PPM1J: variants seen among roughly 807,000 people sequenced by gnomAD.
The protein encoded by PPM1J is protein phosphatase, Mg2+/Mn2+ dependent 1J.
PPM1J carries 43 observed loss-of-function variants against 53.3 expected under a neutral mutation model. The ratio of observed to expected loss-of-function variants is 0.81; its 90% CI spans 0.63 to 1.04. PPM1J has a LOEUF of 1.04. Ranked by LOEUF, PPM1J falls within the 50% of genes least tolerant of loss-of-function variation. The pLI, the probability that PPM1J is intolerant of heterozygous loss-of-function variation, is 0.00. For synonymous variants in PPM1J, 267 were observed against 286.4 expected (o/e 0.93, Z 0.68); for missense variants, 635 against 685.9 (o/e 0.93, Z 0.83).
rs997630239 is a variant in PPM1J at position 112,715,324 on chromosome 1, G to A, written c.-23C>T. ...CATGCTGCCTCCCTGCCCCGCCCTC[G>A]GCCGCGGCCCCGCCCCCGCCCAGGC... On this transcript the variant is annotated 5_prime_UTR_variant, in exon 1 of 10. Transcript: ENST00000309276. This position sits in a 1 kb window ranked among gnomAD's most constrained non-coding sequence, Gnocchi z 4.4. The A allele has an allele frequency of 1.6e-6, 2 of 1,228,492 alleles. No individual in the cohort carries two copies. The highest frequency in any genetic ancestry group is 2.0e-6 in the Non-Finnish European group (2 of 985,576). The allele number at this position is 1,228,492 out of a possible 1,614,324, so 76.1% of individuals were successfully genotyped here.
chr1:112,712,715 C>T (rs1362853543), intron 3 of PPM1J, 29 bp downstream of exon 3: 1 of 1,580,754 alleles, frequency 6.3e-7, no homozygotes, highest in African/African-American at 1.3e-5. Flanking sequence ...GGTTGCCTAG[C>T]AGGCTCTTGG....
Position 112,715,126 on chromosome 1 carries a change from T to C in PPM1J, c.176A>G (p.Lys59Arg). ...GAAGCTCGCTCGAGCCTCAACAGCCTTCGCGGGCGTCGCGCTCCCGCTCCC... is the reference window on the plus strand; with the variant it reads ...GAAGCTCGCTCGAGCCTCAACAGCCCTCGCGGGCGTCGCGCTCCCGCTCCC... ...KAGSGSATPA[K>R]AVEARASFSR... The change falls in exon 1 of 10, where the codon AAG becomes AGG. Residue 59 changes from lysine (K) to arginine (R), a missense_variant. Transcript: ENST00000309276. The surrounding 1 kb of genome is among the most constrained non-coding windows in gnomAD (Gnocchi z 4.4). 1.9e-6 allele frequency: 3 copies of C among 1,552,640 alleles called. No homozygotes were observed. Among genetic ancestry groups the C allele is most frequent in the Non-Finnish European group, 2.6e-6 (3 of 1,159,802 alleles).
Position 112,715,267 on chromosome 1 carries a change from A to T in PPM1J, c.35T>A (p.Leu12Gln). The T allele has an allele frequency of 7.5e-7, 1 of 1,342,232 alleles. No homozygotes were observed. The highest frequency in any genetic ancestry group is 9.5e-7 in the Non-Finnish European group (1 of 1,053,026). 83.1% of individuals were successfully genotyped at this position (1,342,232 alleles called of 1,614,324 possible). Residue 12 changes from leucine to glutamine, a missense_variant, in exon 1 of 10, where the codon CTG becomes CAG. By Grantham distance (113) the Leu-to-Gln change is moderately radical. Transcript: ENST00000309276. This position sits in a 1 kb window ranked among gnomAD's most constrained non-coding sequence, Gnocchi z 4.4. Reference protein sequence around the residue: ...LNRVRSAVAHLVSSGGAPPPR... With the variant: ...LNRVRSAVAHQVSSGGAPPPR... Reference sequence around the variant, plus strand: ...AGGCGGAGCGCCCCCGGAGCTCACCAGGTGCGCCACGGCCGAGCGCACCCG... The same window carrying T: ...AGGCGGAGCGCCCCCGGAGCTCACCTGGTGCGCCACGGCCGAGCGCACCCG...
rs116661125 is a variant in PPM1J at position 112,711,603 on chromosome 1, C to T, written c.928-219G>A. 589 of 558,382 alleles carry T rather than the reference C, an allele frequency of 1.1e-3. 1 individual carries two copies. Among genetic ancestry groups the T allele is most frequent in the East Asian group, 2.5e-3 (83 of 33,652 alleles). 34.6% of individuals were successfully genotyped at this position (558,382 alleles called of 1,614,324 possible). ...GAGAGGTTAAGGGAGGGAACTGCTC[C>T]GGTCACACAATTAGCAAAGCACTCA... On this transcript the variant is annotated intron_variant, in intron 5 of 9. Transcript: ENST00000309276.
Position 112,713,521 on chromosome 1 carries a change from T to G in PPM1J, c.417A>C (p.Val139=), listed in dbSNP as rs1163376484. Residue 139 remains valine (V), a synonymous_variant, in exon 2 of 10, where the codon GTA becomes GTC. Coordinates refer to ENST00000309276, the MANE Select transcript of PPM1J (RefSeq NM_005167.7). ...CCTGGCCTCGGCTAGGCTCCCTAGG[T>G]ACTCCTGTAACACTCCTCCGACCTT... ...YVEGRRSVTG[V]PREPSRGQGL... 6.2e-7 allele frequency: 1 copy of G among 1,613,772 alleles called. No individual in the cohort carries two copies. Among genetic ancestry groups the G allele is most frequent in the Non-Finnish European group, 8.5e-7 (1 of 1,179,762 alleles).
rs757903655 is a variant in PPM1J, at chr1:112,711,224, T to C, written c.1046+42A>G. The stretch of plus-strand genomic sequence containing the variant: ...CTTGCTGCGGGCGAGGGACTGGTTG[T>C]GTTGCCATGGGAACGGGCCCCAGCT... On this transcript the variant is annotated intron_variant, in intron 6 of 9. Coordinates refer to ENST00000309276, the MANE Select transcript of PPM1J (RefSeq NM_005167.7). 1.3e-5 allele frequency: 20 copies of C among 1,525,414 alleles called. No individual in the cohort carries two copies. The East Asian group carries it at 4.5e-4, about 34-fold the overall frequency. The allele number at this position is 1,525,414 out of a possible 1,614,324, so 94.5% of individuals were successfully genotyped here.
intron 2 of PPM1J, 45 bp from the exon 3 acceptor site, chr1:112,713,076 G>C: frequency 1.5e-6 from 2 of 1,366,320 alleles, no homozygotes; most frequent in Non-Finnish European, 1.0e-6. Context: ...GTGTGTGTGT[G>C]TGTGTGTGTG....
In PPM1J at chr1:112,710,433, C is replaced by A. The variant is rs767062242; in HGVS notation, c.1370+27G>T. On this transcript the variant is annotated intron_variant, in intron 9 of 9. Coordinates refer to ENST00000309276, the MANE Select transcript of PPM1J (RefSeq NM_005167.7). ...ACCCTTCTTTCACCAATGCCATCCC[C>A]TTACCACCATGCCATGCAGCCCCTA... 2.0e-5 allele frequency: 32 copies of A among 1,613,010 alleles called. No individual in the cohort carries two copies. The East Asian group carries it at 3.8e-4, about 19-fold the overall frequency.
intron 5 of PPM1J, 136 bp from the exon 6 acceptor site, chr1:112,711,520 A>G: frequency 1.6e-6 from 1 of 615,590 alleles, no homozygotes; most frequent in East Asian, 2.8e-5. Flanking sequence ...TAATATTAGC[A>G]AATATTAACT....
chr1:112,714,583 G>T, intron 1 of PPM1J: 1 of 1,019,802 alleles, frequency 9.8e-7, no homozygotes. Flanking sequence ...CTTCCCAACC[G>T]CTATGTCCCC....
At chr1:112,712,321 A>T (rs568603889) in intron 4 of PPM1J, 24 bp downstream of exon 4, 6 of 1,557,458 alleles carry the variant, frequency 3.9e-6, no homozygotes, top group Non-Finnish European at 5.3e-6. Context: ...CTCTGTCGCC[A>T]CCTTGGAGCC....
At chr1:112,713,068 G>GTA in intron 2 of PPM1J, 37 bp from the exon 3 acceptor site, 5 of 1,087,754 alleles carry the variant, frequency 4.6e-6, no homozygotes, top group Non-Finnish European at 6.3e-6. Flanking sequence ...TTTTGTTTGT[G>GTA]TGTGTGTGTG....
rs992022436 is a variant in PPM1J at position 112,715,209 on chromosome 1, G to A, written c.93C>T (p.Ala31=). Residue 31 remains alanine, a synonymous_variant, in exon 1 of 10, where the codon GCC becomes GCT. Coordinates refer to ENST00000309276, the MANE Select transcript of PPM1J (RefSeq NM_005167.7). The surrounding 1 kb of genome is among the most constrained non-coding windows in gnomAD (Gnocchi z 4.4). ...GAGCGGCGGCGGGCGGCGCCGAGGC[G>A]GCGTTGGGCAGGTCCGGGGATTTGG... The part of the protein sequence containing the change: ...PRPKSPDLPN[A]ASAPPAAAPE... 1.0e-5 allele frequency: 15 copies of A among 1,447,050 alleles called. No homozygotes were observed. In the Admixed American group the frequency reaches 3.3e-4, roughly 32 times the overall value. 89.6% of individuals were successfully genotyped at this position (1,447,050 alleles called of 1,614,324 possible).
chr1:112,712,272 C>T, intron 4 of PPM1J, 73 bp downstream of exon 4: 1 of 1,254,872 alleles, frequency 8.0e-7, no homozygotes, highest in Non-Finnish European at 1.1e-6. Flanking sequence ...CCCCTGCCAC[C>T]TTACTCTCCT....
At position 112,714,464 on chromosome 1, in the gene PPM1J, T is replaced by TC. The variant is rs1456279275; in HGVS notation, c.326+511_326+512insG. On this transcript the variant is annotated intron_variant, in intron 1 of 9. Coordinates refer to ENST00000309276, the MANE Select transcript of PPM1J (RefSeq NM_005167.7). Reference sequence around the variant, plus strand: ...TCCCCCTCCCCGCTCCTGGGGAAGCTGGCGGCCTCCTGGTGTCGCGGGCTA... The same window carrying TC: ...TCCCCCTCCCCGCTCCTGGGGAAGCTCGGCGGCCTCCTGGTGTCGCGGGCTA... 3 of 986,180 alleles carry TC rather than the reference T, an allele frequency of 3.0e-6. No individual in the cohort carries two copies. In the African/African-American group the frequency reaches 5.2e-5, roughly 17 times the overall value. 61.1% of individuals were successfully genotyped at this position (986,180 alleles called of 1,614,324 possible). A position where few individuals can be genotyped will look rare whatever the true frequency, so the allele number is the denominator to read the frequency against.
In PPM1J at chr1:112,711,290, T is replaced by C. The variant is rs1228070361; in HGVS notation, c.1022A>G (p.Tyr341Cys). The change falls in exon 6 of 10, where the codon TAC becomes TGC. Residue 341 changes from tyrosine to cysteine, a missense_variant. Transcript: ENST00000309276. Reference protein sequence around the residue: ...LPKELGQRMLYRDQNMTGWAY... With the variant: ...LPKELGQRMLCRDQNMTGWAY... ...CCAGCCGGTCATGTTCTGGTCCCGG[T>C]ACAACATCCTCTGCCCCAGCTCCTT... 1 of 1,608,328 alleles carries C rather than the reference T, an allele frequency of 6.2e-7. No homozygotes were observed. The highest frequency in any genetic ancestry group is 8.5e-7 in the Non-Finnish European group (1 of 1,177,128).
chr1:112,713,688 GTC>G (rs1675128205), intron 1 of PPM1J, 77 bp from the exon 2 acceptor site: 1 of 1,178,278 alleles, frequency 8.5e-7, no homozygotes, highest in Non-Finnish European at 1.3e-6. Context: ...GACACACACC[GTC>G]TCCTGCGCCC....
chr1:112,715,143 C>A lies in PPM1J; in HGVS notation c.159G>T (p.Gly53=). 1.3e-6 allele frequency: 2 copies of A among 1,547,110 alleles called. No homozygotes were observed. The highest frequency in any genetic ancestry group is 2.8e-5 in the African/African-American group (2 of 70,594). ...CAACAGCCTTCGCGGGCGTCGCGCT[C>A]CCGCTCCCAGCCTTCGCGGGAGGGC... The part of the protein sequence containing the change: ...PRSPPAKAGS[G]SATPAKAVEA... The change falls in exon 1 of 10, where the codon GGG becomes GGT. Residue 53 remains glycine, a synonymous_variant. Coordinates refer to ENST00000309276, the MANE Select transcript of PPM1J (RefSeq NM_005167.7). This position sits in a 1 kb window ranked among gnomAD's most constrained non-coding sequence, Gnocchi z 4.4.
At chr1:112,714,767 G>A in intron 1 of PPM1J, 2 of 1,266,586 alleles carry the variant, frequency 1.6e-6, no homozygotes, top group Non-Finnish European at 2.0e-6. Context: ...GAGCGGGAAG[G>A]ACGTGAAGAA....
Sources: allele counts gnomAD v4.1 joint callset, GRCh38; gene constraint gnomAD v4.1.1; non-coding constraint Gnocchi (gnomAD v3.1); transcripts MANE v1.5; gene names NCBI Gene and HGNC (gene_info 2026-07-23, HGNC 2026-07-21).